The following KCNK13 variants were observed in gnomAD, a reference collection of about 807,000 sequenced individuals.
The protein encoded by KCNK13 is potassium channel subfamily K member 13.
In KCNK13, 12 loss-of-function variants were observed where a neutral mutation model predicts 23.4. The ratio of observed to expected loss-of-function variants is 0.51; its 90% CI spans 0.33 to 0.83. KCNK13 has a LOEUF of 0.83. Among genes scored for constraint, KCNK13 ranks in the 40% least tolerant of loss-of-function variants. The pLI is 0.02. For missense variants in KCNK13, 463 were observed against 556.3 expected (o/e 0.83, Z 1.69); for synonymous variants, 231 against 229.5 (o/e 1.01, Z -0.06).
intron 1 of KCNK13, among the ~76,000 whole-genome samples, chr14:90,091,521 C>T (rs753143729): frequency 7.9e-5 from 12 of 152,284 alleles, no homozygotes; most frequent in Non-Finnish European, 1.3e-4. Context: ...AATAGCATCT[C>T]TAAGGTCTTG....
chr14:90,072,622 G>A (rs1268047277), intron 1 of KCNK13, among the ~76,000 whole-genome samples: 2 of 152,202 alleles, frequency 1.3e-5, no homozygotes, highest in Non-Finnish European at 2.9e-5. Flanking sequence ...TGTTCACAGA[G>A]GGTGAACCTT....
intron 1 of KCNK13, among the ~76,000 whole-genome samples, chr14:90,068,799 T>G (rs573700850): frequency 1.1e-4 from 17 of 152,096 alleles, no homozygotes; most frequent in Admixed American, 6.5e-4. Flanking sequence ...ATAGACAAAC[T>G]GGTGGCCAGG....
chr14:90,107,985 T>C lies in KCNK13; in HGVS notation c.334+45446T>C, dbSNP rs1889567332. 2.8e-5 allele frequency: 20 copies of C among 716,300 alleles called. 1 individual carries two copies. Among genetic ancestry groups the C allele is most frequent in the South Asian group, 2.7e-4 (20 of 73,358 alleles). The allele number at this position is 716,300 out of a possible 1,614,324, so 44.4% of individuals were successfully genotyped here. ...CTGACGCGGCTAAAGCAGATTGGAG[T>C]TTTGCAGTAACCACAGAGCAGGCCA... is the stretch of plus-strand genomic sequence containing the variant. On this transcript the variant is annotated intron_variant, in intron 1 of 1. Transcript: ENST00000282146.
In KCNK13 at chr14:90,184,919, G is replaced by A; in HGVS notation, c.1143G>A (p.Leu381=). Reference sequence around the variant, plus strand: ...GCTGCCCCCACCAGACCAGCACACTGGCCCGGGACAATGAATTCTCAGGGG... The same window carrying A: ...GCTGCCCCCACCAGACCAGCACACTAGCCCGGGACAATGAATTCTCAGGGG... The part of the protein sequence containing the change: ...ANGCPHQTST[L]ARDNEFSGGV... The change falls in exon 2 of 2, where the codon CTG becomes CTA. Residue 381 remains leucine (L), a synonymous_variant. Coordinates refer to ENST00000282146, the MANE Select transcript of KCNK13 (RefSeq NM_022054.4). This position sits in a 1 kb window ranked among gnomAD's most constrained non-coding sequence, Gnocchi z 5.6. The A allele has an allele frequency of 1.2e-6, 2 of 1,613,406 alleles. No individual in the cohort carries two copies. The highest frequency in any genetic ancestry group is 2.2e-5 in the South Asian group (2 of 91,060).
intron 1 of KCNK13, among the ~76,000 whole-genome samples, chr14:90,180,912 G>T (rs1314968215): frequency 6.6e-6 from 1 of 151,836 alleles, no homozygotes; most frequent in Non-Finnish European, 1.5e-5. Context: ...GCTGGAGTGC[G>T]GTGGCGCAAT....
chr14:90,125,880 T>C (rs1889793892), intron 1 of KCNK13, among the ~76,000 whole-genome samples: 1 of 151,892 alleles, frequency 6.6e-6, no homozygotes, highest in Admixed American at 6.6e-5. Flanking sequence ...AAAAATTAGC[T>C]GGGCGTGGTG....
chr14:90,118,678 G>A (rs7150392), intron 1 of KCNK13, among the ~76,000 whole-genome samples: 72,495 of 151,888 alleles, frequency 0.48, 17,327 homozygotes, highest in South Asian at 0.5. Context: ...CTGCCATACC[G>A]TTTTCCACAA....
intron 1 of KCNK13, among the ~76,000 whole-genome samples, chr14:90,095,958 C>T (rs1889405447): frequency 6.6e-6 from 1 of 152,128 alleles, no homozygotes; most frequent in Admixed American, 6.5e-5. Flanking sequence ...GCTCACAGAA[C>T]TCAGGGAAAC....
At chr14:90,099,576 T>C (rs1889450530) in intron 1 of KCNK13, among the ~76,000 whole-genome samples, 1 of 152,208 alleles carries the variant, frequency 6.6e-6, no homozygotes, top group South Asian at 2.1e-4. Flanking sequence ...ATATATAGCA[T>C]CAAGTTTCCC....
chr14:90,144,704 C>A (rs1890053842), intron 1 of KCNK13, among the ~76,000 whole-genome samples: 1 of 152,008 alleles, frequency 6.6e-6, no homozygotes, highest in Non-Finnish European at 1.5e-5. Flanking sequence ...AGTAATCTAC[C>A]CGCCTCAGCC....
chr14:90,161,858 A>AG (rs754790350), intron 1 of KCNK13, among the ~76,000 whole-genome samples: 3 of 152,170 alleles, frequency 2.0e-5, no homozygotes, highest in Non-Finnish European at 4.4e-5. Flanking sequence ...AAGAGAGGTG[A>AG]GGGAAGAGCC....
chr14:90,146,576 A>G (rs937584749), intron 1 of KCNK13, among the ~76,000 whole-genome samples: 1 of 152,070 alleles, frequency 6.6e-6, no homozygotes, highest in African/African-American at 2.4e-5. Context: ...TCAGCCTCCC[A>G]AAGTACTAGG....
At chr14:90,084,099 G>T (rs1454530254) in intron 1 of KCNK13, among the ~76,000 whole-genome samples, 1 of 152,214 alleles carries the variant, frequency 6.6e-6, no homozygotes, top group Non-Finnish European at 1.5e-5. Context: ...ATCAGGAAGT[G>T]TGAGTCCTCC....
chr14:90,139,796 C>T (rs1596795152), intron 1 of KCNK13, among the ~76,000 whole-genome samples: 1 of 151,970 alleles, frequency 6.6e-6, no homozygotes, highest in South Asian at 2.1e-4. Flanking sequence ...ATCCCATCTC[C>T]ACTAAAAATA....
intron 1 of KCNK13, among the ~76,000 whole-genome samples, chr14:90,084,558 A>T (rs1040787031): frequency 6.6e-6 from 1 of 152,236 alleles, no homozygotes; most frequent in Non-Finnish European, 1.5e-5. Flanking sequence ...TTTTCTATAT[A>T]CATGAATATG....
intron 1 of KCNK13, among the ~76,000 whole-genome samples, chr14:90,103,843 G>A (rs376015789): frequency 2.2e-4 from 33 of 152,262 alleles, no homozygotes; most frequent in Middle Eastern, 3.4e-3. Flanking sequence ...GATTACAGGC[G>A]TGAGTCACTG....
At chr14:90,165,553 G>A (rs183617539) in intron 1 of KCNK13, among the ~76,000 whole-genome samples, 5 of 152,212 alleles carry the variant, frequency 3.3e-5, no homozygotes, top group South Asian at 2.1e-4. Flanking sequence ...ACCTTTCATC[G>A]GTTACATGCC....
chr14:90,079,542 C>G (rs1889183317), intron 1 of KCNK13, among the ~76,000 whole-genome samples: 1 of 152,048 alleles, frequency 6.6e-6, no homozygotes, highest in Non-Finnish European at 1.5e-5. Context: ...CAGGTGTGAG[C>G]CATTAGCAGC....
At chr14:90,155,695 A>G (rs1280299088) in intron 1 of KCNK13, among the ~76,000 whole-genome samples, 1 of 152,188 alleles carries the variant, frequency 6.6e-6, no homozygotes, top group African/African-American at 2.4e-5. Context: ...CAAGATGACT[A>G]TTTTATTTTA....
Sources: allele counts gnomAD v4.1 joint callset (sites outside exome capture counted in the v4.1 genomes callset), GRCh38; gene constraint gnomAD v4.1.1; non-coding constraint Gnocchi (gnomAD v3.1); transcripts MANE v1.5; gene names NCBI Gene and HGNC (gene_info 2026-07-23, HGNC 2026-07-21).